The following GNG4 variants were observed in gnomAD, a reference collection of about 807,000 sequenced individuals.
GNG4 encodes guanine nucleotide-binding protein G(I)/G(S)/G(O) subunit gamma-4.
In GNG4, 4 loss-of-function variants were observed where a neutral mutation model predicts 5.8. The ratio of observed to expected loss-of-function variants is 0.69; its 90% confidence interval spans 0.34 to 1.57. The LOEUF is 1.57. GNG4 is among the 40% of genes most tolerant of loss of function. GNG4 has a pLI of 0.06. For missense variants in GNG4, 96 were observed against 95.1 expected, an observed-to-expected ratio of 1.01 and a Z score of -0.04; for synonymous variants, 29 against 32.9, an observed-to-expected ratio of 0.88 and a Z score of 0.41.
chr1:235,608,260 C>T (rs947727184), intron 1 of GNG4, among the ~76,000 whole-genome samples: 4 of 152,134 alleles, frequency 2.6e-5, no homozygotes, highest in African/African-American at 9.7e-5. Context: ...CTAAAGGCTG[C>T]TGCCAGCTGC....
chr1:235,638,959 T>G (rs1032907423), intron 1 of GNG4, among the ~76,000 whole-genome samples: 2 of 152,186 alleles, frequency 1.3e-5, no homozygotes, highest in Non-Finnish European at 2.9e-5. Context: ...AGTGCTGCAA[T>G]AAACATACAT....
chr1:235,552,356 C>G lies in GNG4; in HGVS notation c.100-119G>C, dbSNP rs1397957981. 1.1e-5 allele frequency: 10 copies of G among 897,208 alleles called. No homozygotes were observed. The African/African-American group carries it at 1.3e-4, about 12-fold the overall frequency. 55.6% of individuals were successfully genotyped at this position (897,208 alleles called of 1,614,324 possible). On this transcript the variant is annotated intron_variant, in intron 3 of 3. Transcript: ENST00000391854. The stretch of plus-strand genomic sequence containing the variant: ...AGGGTAGGCTGTATTGTGTGCACGG[C>G]CTACAACATGGTCATGCCCAGGCTG...
chr1:235,563,156 C>T (rs1347461025), intron 3 of GNG4, among the ~76,000 whole-genome samples: 1 of 152,002 alleles, frequency 6.6e-6, no homozygotes, highest in Admixed American at 6.6e-5. Flanking sequence ...GGCGTGATGG[C>T]TCATGCCTGT....
intron 2 of GNG4, among the ~76,000 whole-genome samples, chr1:235,587,146 G>C (rs1040256090): frequency 1.3e-5 from 2 of 151,000 alleles, no homozygotes; most frequent in South Asian, 4.2e-4. Context: ...GTGTGTGAAA[G>C]TGTGGGGTGG....
intron 1 of GNG4, among the ~76,000 whole-genome samples, chr1:235,619,202 C>CACATATATAT (rs1553371262): frequency 7.3e-6 from 1 of 136,364 alleles, no homozygotes; most frequent in African/African-American, 2.7e-5. Flanking sequence ...TACACACACA[C>CACATATATAT]ATATATATAT....
At chr1:235,650,189 G>A (rs1243125764), upstream of GNG4, among the ~76,000 whole-genome samples, 1 of 147,966 alleles carries the variant, frequency 6.8e-6, no homozygotes. Flanking sequence ...CCCCCGCCCC[G>A]CCCCCCCGGA....
At chr1:235,625,891 T>C (rs1571920138) in intron 1 of GNG4, among the ~76,000 whole-genome samples, 1 of 152,246 alleles carries the variant, frequency 6.6e-6, no homozygotes, top group Non-Finnish European at 1.5e-5. Context: ...AAAGCTGCTA[T>C]AAACATCTGT....
intron 1 of GNG4, chr1:235,615,097 G>A (rs939763457): frequency 2.0e-5 from 3 of 152,342 alleles, no homozygotes; most frequent in Admixed American, 6.5e-5. Flanking sequence ...TGCATAGATC[G>A]AAGAGGGGAG....
intron 1 of GNG4, among the ~76,000 whole-genome samples, chr1:235,606,874 A>C (rs1047564255): frequency 6.6e-6 from 1 of 151,374 alleles, no homozygotes. Flanking sequence ...AGAGGAAGGA[A>C]GCCGCATGCT....
chr1:235,600,032 C>T (rs899581755), intron 1 of GNG4, among the ~76,000 whole-genome samples: 5 of 142,858 alleles, frequency 3.5e-5, no homozygotes, highest in Non-Finnish European at 7.6e-5. Flanking sequence ...CTCAAAATAA[C>T]ACAGATTGTT....
intron 3 of GNG4, among the ~76,000 whole-genome samples, chr1:235,562,659 GAAAAAAAAAAAAAGA>G (rs766199361): frequency 9.0e-4 from 46 of 51,306 alleles, no homozygotes; most frequent in Middle Eastern, 0.026. Context: ...AAAAAAAAAA[GAAAAAAAAAAAAAGA>G]AAAAAAAAAA....
At chr1:235,592,588 G>A (rs1250366053) in intron 2 of GNG4, among the ~76,000 whole-genome samples, 1 of 151,852 alleles carries the variant, frequency 6.6e-6, no homozygotes. Context: ...TTTTTTTGCC[G>A]ACCCCAACAT....
At chr1:235,560,971 G>A (rs897275630) in intron 3 of GNG4, among the ~76,000 whole-genome samples, 3 of 152,090 alleles carry the variant, frequency 2.0e-5, no homozygotes, top group African/African-American at 7.2e-5. Flanking sequence ...TTTTCCATTT[G>A]TATGTCATCT....
At chr1:235,615,141 C>A (rs1688563005) in intron 1 of GNG4, 1 of 152,174 alleles carries the variant, frequency 6.6e-6, no homozygotes, top group Non-Finnish European at 1.5e-5. Flanking sequence ...GATATAGTCT[C>A]CTCTGTGTGA....
intron 3 of GNG4, among the ~76,000 whole-genome samples, chr1:235,580,739 G>GTTTTTTTTTTTTTTTTTTTTT (rs1200655746): frequency 1.0e-5 from 1 of 98,048 alleles, no homozygotes. Flanking sequence ...GGCCTATCCC[G>GTTTTTTTTTTTTTTTTTTTTT]TTTTTTGTTT....
At chr1:235,590,445 A>G (rs1168039748) in intron 2 of GNG4, among the ~76,000 whole-genome samples, 1 of 151,130 alleles carries the variant, frequency 6.6e-6, no homozygotes, top group Non-Finnish European at 1.5e-5. Flanking sequence ...ACAGAGTGAG[A>G]CTGTCTGGAA....
intron 3 of GNG4, among the ~76,000 whole-genome samples, chr1:235,562,511 A>T (rs982694638): frequency 1.3e-5 from 2 of 151,894 alleles, no homozygotes; most frequent in African/African-American, 4.8e-5. Flanking sequence ...GCTGCTGGGC[A>T]TGGTGGGCCT....
At chr1:235,613,541 G>A (rs1361320167) in intron 1 of GNG4, among the ~76,000 whole-genome samples, 1 of 152,162 alleles carries the variant, frequency 6.6e-6, no homozygotes, top group Non-Finnish European at 1.5e-5. Flanking sequence ...GTCAGTCAGA[G>A]AGAGAGATGA....
At chr1:235,556,927 C>T (rs550665182) in intron 3 of GNG4, among the ~76,000 whole-genome samples, 10 of 152,030 alleles carry the variant, frequency 6.6e-5, no homozygotes, top group Admixed American at 3.3e-4. Flanking sequence ...ATCCCTCACA[C>T]GCGCAGTTCA....
Sources: allele counts gnomAD v4.1 joint callset (sites outside exome capture counted in the v4.1 genomes callset), GRCh38; gene constraint gnomAD v4.1.1; transcripts MANE v1.5; gene names NCBI Gene and HGNC (gene_info 2026-07-23, HGNC 2026-07-21).